The following GANC variants were observed in gnomAD, a reference collection of about 807,000 sequenced individuals.
GANC encodes the protein glucosidase alpha, neutral C.
GANC carries 117 observed loss-of-function variants against 124.2 expected under a neutral mutation model. The observed-to-expected ratio is 0.94, with a 90% CI of 0.81 to 1.10. The LOEUF (loss-of-function observed/expected upper bound fraction) is 1.10, where lower values mean the gene tolerates loss of function less well. Ranked by LOEUF, GANC falls within the 50% of genes least tolerant of loss-of-function variation. The pLI, the probability that GANC is intolerant of heterozygous loss-of-function variation, is 0.00. For synonymous variants in GANC, 377 were observed against 376.8 expected, an observed-to-expected ratio of 1.00 and a Z score of -0.01; for missense variants, 1,140 against 1,095.0, an observed-to-expected ratio of 1.04 and a Z score of -0.58.
intron 6 of GANC, among the ~76,000 whole-genome samples, chr15:42,305,124 C>G (rs1451380035): frequency 6.6e-6 from 1 of 152,150 alleles, no homozygotes; most frequent in African/African-American, 2.4e-5. Context: ...TCTGATTAAA[C>G]TGAGGAGCTT....
intron 22 of GANC, among the ~76,000 whole-genome samples, chr15:42,350,022 C>CTTTTTTTTTTTTT (rs753077889): frequency 2.7e-5 from 2 of 75,036 alleles, no homozygotes; most frequent in Non-Finnish European, 5.0e-5. Context: ...CTTTCCCCCA[C>CTTTTTTTTTTTTT]TTTTTTTTTT....
intron 16 of GANC, among the ~76,000 whole-genome samples, chr15:42,339,358 AGTT>A (rs2052310789): frequency 7.8e-5 from 11 of 141,892 alleles, no homozygotes; most frequent in African/African-American, 2.9e-4. Context: ...ACACACACAC[AGTT>A]ATTTAATCAG....
At chr15:42,312,368 T>C (rs114602530) in intron 10 of GANC, among the ~76,000 whole-genome samples, 1,588 of 152,306 alleles carry the variant, frequency 0.01, 35 homozygotes, top group African/African-American at 0.037. Context: ...ACTGTTCTCG[T>C]GATAGTGAAT....
chr15:42,282,019 T>C (rs2051738884), intron 3 of GANC, among the ~76,000 whole-genome samples: 2 of 151,946 alleles, frequency 1.3e-5, no homozygotes, highest in South Asian at 4.1e-4. Flanking sequence ...AAACCCCATC[T>C]CTACTAAAAA....
chr15:42,277,575 T>C (rs924443827), intron 2 of GANC, among the ~76,000 whole-genome samples: 7 of 152,056 alleles, frequency 4.6e-5, no homozygotes, highest in African/African-American at 1.7e-4. Context: ...ACAAAAAATA[T>C]GCCTTTAAAA....
At chr15:42,341,361 G>GA in intron 18 of GANC, among the ~76,000 whole-genome samples, 1 of 151,948 alleles carries the variant, frequency 6.6e-6, no homozygotes, top group East Asian at 1.9e-4. Context: ...AAGGGAAGTA[G>GA]AAAAAAACAG....
intron 6 of GANC, among the ~76,000 whole-genome samples, chr15:42,301,978 T>C (rs893004217): frequency 2.6e-5 from 4 of 152,192 alleles, no homozygotes; most frequent in African/African-American, 9.6e-5. Flanking sequence ...GCAGCGGGTC[T>C]CCCAGCACAG....
chr15:42,276,209 T>A (rs1164652270), intron 1 of GANC, 139 bp from the exon 2 acceptor site: 7 of 598,006 alleles, frequency 1.2e-5, no homozygotes, highest in Admixed American at 6.5e-5. Context: ...TGTTATACTG[T>A]GGCCGTGACA....
chr15:42,313,963 G>A (rs11637731), intron 10 of GANC: 634,301 of 646,772 alleles, frequency 0.98, 311,453 homozygotes, highest in Non-Finnish European at 1. Context: ...AAAAACAACA[G>A]CAACAACAAC....
In GANC at chr15:42,273,528, G is replaced by T; in HGVS notation, c.-954G>T. 6.9e-7 allele frequency: 1 copy of T among 1,445,686 alleles called. No homozygotes were observed. The highest frequency in any genetic ancestry group is 9.2e-7 in the Non-Finnish European group (1 of 1,086,314). The allele number at this position is 1,445,686 out of a possible 1,614,324, so 89.6% of individuals were successfully genotyped here. A position where few individuals can be genotyped will look rare whatever the true frequency, so the allele number is the denominator to read the frequency against. On this transcript the variant is annotated 5_prime_UTR_variant, in exon 1 of 24. Transcript: ENST00000318010. The stretch of plus-strand genomic sequence containing the variant: ...CGTCGCGGAGCTTGTTTGCTGTGCG[G>T]CGTAGCGGCCCCTCTCTCAGACAGT...
At chr15:42,321,625 G>A (rs552840848) in intron 10 of GANC, among the ~76,000 whole-genome samples, 160 bp from the exon 11 acceptor site, 2 of 152,308 alleles carry the variant, frequency 1.3e-5, no homozygotes, top group African/African-American at 4.8e-5. Flanking sequence ...TCATTAGCCA[G>A]GTTGTCACTT....
chr15:42,283,369 G>GCTT (rs2051753067), intron 3 of GANC, among the ~76,000 whole-genome samples: 1 of 151,918 alleles, frequency 6.6e-6, no homozygotes, highest in Non-Finnish European at 1.5e-5. Context: ...GTAGAACTCA[G>GCTT]TTGTTGTTGT....
At chr15:42,303,023 C>T (rs963280928) in intron 6 of GANC, among the ~76,000 whole-genome samples, 5 of 152,134 alleles carry the variant, frequency 3.3e-5, no homozygotes, top group Non-Finnish European at 7.3e-5. Context: ...AGATACTACT[C>T]CTCAAGAAGA....
At chr15:42,349,546 C>T (rs1307045904) in intron 22 of GANC, 51 bp downstream of exon 22, 1 of 1,035,294 alleles carries the variant, frequency 9.7e-7, no homozygotes, top group Non-Finnish European at 1.5e-6. Context: ...TCACACTATC[C>T]GTTCAGCATC....
In GANC at chr15:42,313,172, G is replaced by A. The variant is rs35212905; in HGVS notation, c.1057+2326G>A. 7.4e-4 allele frequency among the ~76,000 whole-genome samples: 112 copies of A among 152,240 alleles called. 1 individual carries two copies. The highest frequency in any genetic ancestry group is 3.4e-3 in the Middle Eastern group (1 of 294). On this transcript the variant is annotated intron_variant, in intron 10 of 23. Transcript: ENST00000318010. Reference sequence around the variant, plus strand: ...TTGAGCATATGGTGTGAGACAGTTGGATATCTACTTGCAAAAGAATGAAGT... The same window carrying A: ...TTGAGCATATGGTGTGAGACAGTTGAATATCTACTTGCAAAAGAATGAAGT...
In GANC at chr15:42,274,218, A is replaced by G. The variant is rs886595556; in HGVS notation, c.-264A>G. 8.7e-6 allele frequency: 4 copies of G among 457,562 alleles called. No individual in the cohort carries two copies. Among genetic ancestry groups the G allele is most frequent in the Non-Finnish European group, 1.6e-5 (4 of 254,222 alleles). 28.3% of individuals were successfully genotyped at this position (457,562 alleles called of 1,614,324 possible). A position where few individuals can be genotyped will look rare whatever the true frequency, so the allele number is the denominator to read the frequency against. ...GCCGCCCAGTTTCGGTTCCTAACAA[A>G]AGCACGTTCCTCATCAGCCACCCAT... On this transcript the variant is annotated 5_prime_UTR_variant, in exon 1 of 24. Coordinates refer to ENST00000318010, the MANE Select transcript of GANC (RefSeq NM_198141.3).
chr15:42,286,169 T>G (rs2051786104), intron 3 of GANC, among the ~76,000 whole-genome samples: 1 of 152,176 alleles, frequency 6.6e-6, no homozygotes, highest in South Asian at 2.1e-4. Flanking sequence ...TCTTACTAAT[T>G]CCTGAAGGCC....
At position 42,273,245 on chromosome 15, in the gene GANC, G is replaced by C. The variant is rs368047226; in HGVS notation, c.-1237G>C. ...CTCTAGGTTCAGACGTTAGTGAAGT[G>C]AATACTCACCGACGGTATCGGAATG... On this transcript the variant is annotated 5_prime_UTR_variant, in exon 1 of 24. Coordinates refer to ENST00000318010, the MANE Select transcript of GANC (RefSeq NM_198141.3). 4.3e-6 allele frequency: 7 copies of C among 1,613,366 alleles called. No homozygotes were observed. The African/African-American group carries it at 8.0e-5, about 18-fold the overall frequency.
Position 42,352,089 on chromosome 15 carries a change from GA to G in GANC, c.2696del (p.Glu899GlyfsTer25), listed in dbSNP as rs1355317433. 1.9e-6 allele frequency: 3 copies of G among 1,614,018 alleles called. No individual in the cohort carries two copies. Among genetic ancestry groups the G allele is most frequent in the African/African-American group, 2.7e-5 (2 of 74,928 alleles). On this transcript the variant is annotated frameshift_variant, in exon 24 of 24. Transcript: ENST00000318010. LOFTEE classifies it high-confidence loss of function. Reference sequence around the variant, plus strand: ...TGCCAAAACATCCATCCTGAGCCTGGAGAAGCTCTCACTCAACATTGCCACT... The same window carrying G: ...TGCCAAAACATCCATCCTGAGCCTGGGAAGCTCTCACTCAACATTGCCACT... The part of the protein sequence containing the change: ...YCAKTSILSL[E>X]KLSLNIATDW...
Sources: gnomAD v4.1 joint callset for allele counts (sites outside exome capture counted in the v4.1 genomes callset) on GRCh38, gnomAD v4.1.1 for gene constraint, MANE v1.5 for transcripts, NCBI Gene and HGNC (gene_info 2026-07-23, HGNC 2026-07-21) for gene names.